Variants in C12orf50 observed in about 807,000 individuals in gnomAD.
C12orf50 encodes the protein zinc finger CCCH-type containing 11D.
C12orf50 carries 35 observed loss-of-function variants against 61.6 expected under a neutral mutation model. The observed-to-expected ratio is 0.57, with a 90% CI of 0.43 to 0.75. The LOEUF (loss-of-function observed/expected upper bound fraction) is 0.75. Ranked by LOEUF, C12orf50 falls within the 30% of genes least tolerant of loss-of-function variation. The pLI, the probability that C12orf50 is intolerant of heterozygous loss-of-function variation, is 0.00. For missense variants in C12orf50, 475 were observed against 488.5 expected (o/e 0.97, Z 0.26); for synonymous variants, 178 against 161.5 (o/e 1.10, Z -0.77).
Position 87,986,741 on chromosome 12 carries a change from A to G in C12orf50, c.818-325T>C, listed in dbSNP as rs139724202. On this transcript the variant is annotated intron_variant, in intron 9 of 12. Coordinates refer to ENST00000298699, the MANE Select transcript of C12orf50 (RefSeq NM_152589.3). ...TAATTATAAATCTCATTATAATGCT[A>G]TTGTTAAATAGTTTTAGAACTCTTA... 6.6e-3 allele frequency among the ~76,000 whole-genome samples: 998 copies of G among 152,248 alleles called. 13 individuals carry two copies. The highest frequency in any genetic ancestry group is 0.023 in the African/African-American group (959 of 41,560).
chr12:88,017,092 T>G (rs142515923), intron 3 of C12orf50, among the ~76,000 whole-genome samples: 191 of 152,256 alleles, frequency 1.3e-3, no homozygotes, highest in African/African-American at 4.2e-3. Context: ...TACAGTATGA[T>G]TTGAGTAGAG....
At chr12:88,014,262 C>T (rs942068885) in intron 3 of C12orf50, among the ~76,000 whole-genome samples, 2 of 151,670 alleles carry the variant, frequency 1.3e-5, no homozygotes, top group Non-Finnish European at 2.9e-5. Flanking sequence ...TTAAATGTTA[C>T]GTCTGATTTT....
intron 7 of C12orf50, among the ~76,000 whole-genome samples, chr12:87,994,203 A>G (rs2031272280): frequency 8.3e-6 from 1 of 121,130 alleles, no homozygotes; most frequent in Non-Finnish European, 1.8e-5. Flanking sequence ...TCCATCTCAT[A>G]AATAAATAAA....
intron 3 of C12orf50, among the ~76,000 whole-genome samples, chr12:88,009,070 G>A (rs138922759): frequency 6.6e-6 from 1 of 152,124 alleles, no homozygotes; most frequent in East Asian, 1.9e-4. Context: ...ACGGTTTCTA[G>A]CCTTTGGCCA....
chr12:87,994,485 G>T (rs1424168269), intron 7 of C12orf50, 148 bp downstream of exon 7: 2 of 615,888 alleles, frequency 3.2e-6, no homozygotes, highest in Non-Finnish European at 5.6e-6. Context: ...TTTGGTCTCT[G>T]AAAGCAACTG....
chr12:88,004,924 A>G (rs1411509862), intron 3 of C12orf50, among the ~76,000 whole-genome samples: 1 of 152,140 alleles, frequency 6.6e-6, no homozygotes, highest in Non-Finnish European at 1.5e-5. Context: ...AAAACTACCT[A>G]TCAGGTACTA....
At chr12:88,027,187 T>C in intron 1 of C12orf50, 117 bp from the exon 2 acceptor site, 2 of 1,065,834 alleles carry the variant, frequency 1.9e-6, no homozygotes, top group Non-Finnish European at 2.5e-6. Context: ...ATCACAAAGA[T>C]ATACACTATC....
At chr12:87,999,652 T>A (rs1341975629) in intron 3 of C12orf50, among the ~76,000 whole-genome samples, 2 of 152,218 alleles carry the variant, frequency 1.3e-5, no homozygotes, top group Non-Finnish European at 2.9e-5. Flanking sequence ...ATGTCCCATC[T>A]ATTCCATTTT....
rs146419498 is a variant in C12orf50, at chr12:87,996,303, CTAAA to C, written c.481+67_481+70del. 9.6e-3 allele frequency: 10,039 copies of C among 1,048,148 alleles called. 108 individuals carry two copies. Among genetic ancestry groups the C allele is most frequent in the South Asian group, 0.032 (2,320 of 71,990 alleles). 64.9% of individuals were successfully genotyped at this position (1,048,148 alleles called of 1,614,324 possible). On this transcript the variant is annotated intron_variant, in intron 6 of 12. Transcript: ENST00000298699. The stretch of plus-strand genomic sequence containing the variant: ...TCACTTTATTCTTCTGTACATCATA[CTAAA>C]TAATTCAGTCTATCACACCAAGTAT...
At chr12:88,025,749 C>G (rs1486170097) in intron 3 of C12orf50, among the ~76,000 whole-genome samples, 1 of 152,090 alleles carries the variant, frequency 6.6e-6, no homozygotes. Context: ...AAAAAACAAA[C>G]AAACAAACAA....
At chr12:88,023,327 C>T (rs1473529360) in intron 3 of C12orf50, among the ~76,000 whole-genome samples, 3 of 151,884 alleles carry the variant, frequency 2.0e-5, no homozygotes, top group Non-Finnish European at 2.9e-5. Flanking sequence ...GAAACTGAAC[C>T]CCTACCTTAT....
At chr12:88,000,506 A>AT (rs926058510) in intron 3 of C12orf50, among the ~76,000 whole-genome samples, 4 of 151,336 alleles carry the variant, frequency 2.6e-5, no homozygotes, top group Admixed American at 6.6e-5. Flanking sequence ...CATTTTCCTG[A>AT]TTTTTTTTCA....
At chr12:87,990,122 G>A (rs1414428929) in intron 7 of C12orf50, among the ~76,000 whole-genome samples, 1 of 152,038 alleles carries the variant, frequency 6.6e-6, no homozygotes, top group East Asian at 1.9e-4. Context: ...CCATCATACT[G>A]GGTTTTTCCC....
intron 12 of C12orf50, 61 bp downstream of exon 12, chr12:87,983,042 C>T: frequency 2.0e-6 from 2 of 1,014,422 alleles, no homozygotes; most frequent in Admixed American, 4.6e-5. Context: ...ACTCCTTGCA[C>T]TTGAAAACTT....
chr12:87,986,463 C>T (rs1333420454), intron 9 of C12orf50, 47 bp from the exon 10 acceptor site: 1 of 1,364,554 alleles, frequency 7.3e-7, no homozygotes, highest in South Asian at 1.2e-5. Context: ...ATGCTTTCAT[C>T]TCTGAAATTA....
chr12:88,017,011 T>C (rs1335964818), intron 3 of C12orf50, among the ~76,000 whole-genome samples: 2 of 152,150 alleles, frequency 1.3e-5, no homozygotes, highest in Non-Finnish European at 2.9e-5. Context: ...CATGAAGATA[T>C]TGAGGGAAGA....
Position 87,981,982 on chromosome 12 carries a change from G to A in C12orf50, c.1219+1121C>T, listed in dbSNP as rs112977969. On this transcript the variant is annotated intron_variant, in intron 12 of 12. Coordinates refer to ENST00000298699, the MANE Select transcript of C12orf50 (RefSeq NM_152589.3). ...TGGTACATGTATTATGTGCTGAAGTGACCCTTCCTTTCCTAAATGTCTTCT... is the reference window on the plus strand; with the variant it reads ...TGGTACATGTATTATGTGCTGAAGTAACCCTTCCTTTCCTAAATGTCTTCT... Among the ~76,000 whole-genome samples, 11 of 152,178 alleles carry A rather than the reference G, an allele frequency of 7.2e-5. 1 individual carries two copies. Among genetic ancestry groups the A allele is most frequent in the African/African-American group, 2.6e-4 (11 of 41,522 alleles).
chr12:88,006,198 G>A (rs2031874698), intron 3 of C12orf50, among the ~76,000 whole-genome samples: 1 of 152,060 alleles, frequency 6.6e-6, no homozygotes, highest in African/African-American at 2.4e-5. Flanking sequence ...TTACAGGCGT[G>A]AGCCACCGCG....
intron 3 of C12orf50, among the ~76,000 whole-genome samples, chr12:87,998,894 G>A (rs11834993): frequency 0.023 from 3,524 of 152,234 alleles, 140 homozygotes; most frequent in African/African-American, 0.079. Flanking sequence ...TTGCCGGGAC[G>A]ACTAGATTGC....
Sources: gnomAD v4.1 joint callset for allele counts (sites outside exome capture counted in the v4.1 genomes callset) on GRCh38, gnomAD v4.1.1 for gene constraint, MANE v1.5 for transcripts, NCBI Gene and HGNC (gene_info 2026-07-23, HGNC 2026-07-21) for gene names.